The following KIRREL3 variants were observed in gnomAD, a reference collection of about 807,000 sequenced individuals.
KIRREL3 encodes kirre like nephrin family adhesion molecule 3, also known as kin of IRRE-like protein 3.
KIRREL3 carries 36 observed loss-of-function variants against 89.7 expected under a neutral mutation model. That is an observed-to-expected ratio of 0.40 (90% confidence interval 0.31 to 0.53). The LOEUF (loss-of-function observed/expected upper bound fraction) is 0.53, where lower values mean the gene tolerates loss of function less well. Among genes scored for constraint, KIRREL3 ranks in the 20% least tolerant of loss-of-function variants. The pLI is 0.49. For missense variants in KIRREL3, 864 were observed against 1,056.6 expected, an observed-to-expected ratio of 0.82 and a Z score of 2.53; for synonymous variants, 445 against 441.4, an observed-to-expected ratio of 1.01 and a Z score of -0.10.
At chr11:126,962,896 G>A (rs1949138471) in intron 1 of KIRREL3, among the ~76,000 whole-genome samples, 1 of 152,140 alleles carries the variant, frequency 6.6e-6, no homozygotes, top group Admixed American at 6.5e-5. Context: ...CTCGTTAAAG[G>A]CTCAGATGAT....
chr11:126,840,620 C>A (rs1422399831), intron 1 of KIRREL3, among the ~76,000 whole-genome samples: 2 of 152,204 alleles, frequency 1.3e-5, no homozygotes, highest in Non-Finnish European at 2.9e-5. Flanking sequence ...ACAAAAAATT[C>A]CTAAGTTTTA....
rs1455549184 is a variant in KIRREL3 at position 126,531,587 on chromosome 11, C to T, written c.134-4900G>A. 2.0e-5 allele frequency among the ~76,000 whole-genome samples: 3 copies of T among 151,768 alleles called. No individual in the cohort carries two copies. Among genetic ancestry groups the T allele is most frequent in the African/African-American group, 4.8e-5 (2 of 41,274 alleles). On this transcript the variant is annotated intron_variant, in intron 2 of 16. Coordinates refer to ENST00000525144, the MANE Select transcript of KIRREL3 (RefSeq NM_032531.4). The surrounding 1 kb of genome is among the most constrained non-coding windows in gnomAD (Gnocchi z 4.7). The stretch of plus-strand genomic sequence containing the variant: ...AAGGCTCCCCCACCCAAGGCCCCCC[C>T]TAAGCAACCCCACCTATCATTGAAG...
chr11:126,510,429 C>CTTCCTTCCTTCCTTCA (rs1958180996), intron 4 of KIRREL3, among the ~76,000 whole-genome samples: 1 of 129,972 alleles, frequency 7.7e-6, no homozygotes, highest in African/African-American at 2.8e-5. Flanking sequence ...TGTTTCCTTC[C>CTTCCTTCCTTCCTTCA]TTCCTTCCTT....
At position 126,516,281 on chromosome 11, in the gene KIRREL3, A is replaced by C. The variant is rs183216281; in HGVS notation, c.433+5034T>G. Among the ~76,000 whole-genome samples, 1 of 152,304 alleles carries C rather than the reference A, an allele frequency of 6.6e-6. No individual in the cohort carries two copies. The highest frequency in any genetic ancestry group is 2.4e-5 in the African/African-American group (1 of 41,578). On this transcript the variant is annotated intron_variant, in intron 4 of 16. Coordinates refer to ENST00000525144, the MANE Select transcript of KIRREL3 (RefSeq NM_032531.4). The surrounding 1 kb of genome is among the most constrained non-coding windows in gnomAD (Gnocchi z 4.9). ...GCCACAAGACAGCAGAGTTAATATT[A>C]GAACGGGCCAGGAAGAAGAGGGAAA...
At chr11:126,529,473 G>A (rs1274383123) in intron 2 of KIRREL3, among the ~76,000 whole-genome samples, 1 of 152,086 alleles carries the variant, frequency 6.6e-6, no homozygotes, top group Non-Finnish European at 1.5e-5. Context: ...GAGCGGGAGA[G>A]GGCCTTTTGA....
At chr11:126,840,839 C>T (rs1175328475) in intron 1 of KIRREL3, among the ~76,000 whole-genome samples, 1 of 152,150 alleles carries the variant, frequency 6.6e-6, no homozygotes, top group Non-Finnish European at 1.5e-5. Context: ...CTAATAATGG[C>T]TCCAAAGAGC....
chr11:126,592,989 C>A (rs1942221003), intron 1 of KIRREL3, among the ~76,000 whole-genome samples: 2 of 152,168 alleles, frequency 1.3e-5, no homozygotes, highest in African/African-American at 4.8e-5. Context: ...GGAGCAGGCA[C>A]ATGGTCCAGC....
In KIRREL3 at chr11:126,622,504, G is replaced by A. The variant is rs1943613792; in HGVS notation, c.56-59592C>T. ...CAAGATCTGACACACTCTTATCAGG[G>A]CCCCAGCAAATAACTCAGCACCTTC... On this transcript the variant is annotated intron_variant, in intron 1 of 16. Coordinates refer to ENST00000525144, the MANE Select transcript of KIRREL3 (RefSeq NM_032531.4). This position sits in a 1 kb window ranked among gnomAD's most constrained non-coding sequence, Gnocchi z 5.2. 6.6e-6 allele frequency among the ~76,000 whole-genome samples: 1 copy of A among 152,064 alleles called. No homozygotes were observed. Among genetic ancestry groups the A allele is most frequent in the South Asian group, 2.1e-4 (1 of 4,822 alleles).
chr11:126,738,084 C>T (rs757490440), intron 1 of KIRREL3, among the ~76,000 whole-genome samples: 1 of 152,144 alleles, frequency 6.6e-6, no homozygotes, highest in Non-Finnish European at 1.5e-5. Context: ...CTGCTGTTTG[C>T]AGAATGTTGG....
At chr11:126,470,994 A>C (rs1483763236) in intron 5 of KIRREL3, among the ~76,000 whole-genome samples, 2 of 152,176 alleles carry the variant, frequency 1.3e-5, no homozygotes, top group Non-Finnish European at 1.5e-5. Context: ...GCTGTTTAAA[A>C]ATGTACCCAG....
chr11:126,609,203 G>A lies in KIRREL3; in HGVS notation c.56-46291C>T, dbSNP rs1943018677. Among the ~76,000 whole-genome samples the A allele has an allele frequency of 6.6e-6, 1 of 152,134 alleles. No homozygotes were observed. Among genetic ancestry groups the A allele is most frequent in the South Asian group, 2.1e-4 (1 of 4,822 alleles). The stretch of plus-strand genomic sequence containing the variant: ...CCGGACCTCAGGAAAGGGGTGCGGG[G>A]AAGGTTGGGTTCAGAAGGAGAGACT... On this transcript the variant is annotated intron_variant, in intron 1 of 16. Transcript: ENST00000525144. This position sits in a 1 kb window ranked among gnomAD's most constrained non-coding sequence, Gnocchi z 5.0.
At chr11:126,467,501 C>A (rs1263706658) in intron 5 of KIRREL3, among the ~76,000 whole-genome samples, 1 of 152,178 alleles carries the variant, frequency 6.6e-6, no homozygotes. Context: ...GGGGCCCAAG[C>A]ACTGGTGCTA....
At chr11:126,963,021 T>A (rs534460017) in intron 1 of KIRREL3, among the ~76,000 whole-genome samples, 1 of 152,306 alleles carries the variant, frequency 6.6e-6, no homozygotes, top group African/African-American at 2.4e-5. Flanking sequence ...ATAACTTTTA[T>A]ACGCACTGGG....
chr11:126,631,521 C>A (rs1159283054), intron 1 of KIRREL3, among the ~76,000 whole-genome samples: 2 of 152,128 alleles, frequency 1.3e-5, no homozygotes, highest in African/African-American at 4.8e-5. Context: ...CAGGTGGGCC[C>A]CTGTGTGTTG....
In KIRREL3 at chr11:126,709,150, G is replaced by A. The variant is rs185064079; in HGVS notation, c.56-146238C>T. Among the ~76,000 whole-genome samples, 128 of 152,282 alleles carry A rather than the reference G, an allele frequency of 8.4e-4. No individual in the cohort carries two copies. The highest frequency in any genetic ancestry group is 3.0e-3 in the African/African-American group (125 of 41,548). On this transcript the variant is annotated intron_variant, in intron 1 of 16. Coordinates refer to ENST00000525144, the MANE Select transcript of KIRREL3 (RefSeq NM_032531.4). The surrounding 1 kb of genome is among the most constrained non-coding windows in gnomAD (Gnocchi z 4.0). Reference sequence around the variant, plus strand: ...CTATGTGCTTGTTTCATTTAATACCGTCAACGACCATATAAAGTGTGTTTG... The same window carrying A: ...CTATGTGCTTGTTTCATTTAATACCATCAACGACCATATAAAGTGTGTTTG...
At chr11:126,716,483 G>A (rs1445228785) in intron 1 of KIRREL3, among the ~76,000 whole-genome samples, 2 of 152,076 alleles carry the variant, frequency 1.3e-5, no homozygotes, top group Non-Finnish European at 2.9e-5. Flanking sequence ...AGGGGACAAA[G>A]CCTGTTTCAG....
At chr11:126,915,107 G>T (rs749954983) in intron 1 of KIRREL3, among the ~76,000 whole-genome samples, 1 of 152,114 alleles carries the variant, frequency 6.6e-6, no homozygotes, top group African/African-American at 2.4e-5. Context: ...AGTTCACCAG[G>T]CATCTCAAAT....
rs1958818000 is a variant in KIRREL3 at position 126,528,019 on chromosome 11, A to T, written c.134-1332T>A. On this transcript the variant is annotated intron_variant, in intron 2 of 16. Coordinates refer to ENST00000525144, the MANE Select transcript of KIRREL3 (RefSeq NM_032531.4). The surrounding 1 kb of genome is among the most constrained non-coding windows in gnomAD (Gnocchi z 4.6). ...ACTTAATTATACTTCAGGGCAGAAA[A>T]AGCCCCACTTTACAACAAAGAAACC... Among the ~76,000 whole-genome samples the T allele has an allele frequency of 6.6e-6, 1 of 152,166 alleles. No individual in the cohort carries two copies. Among genetic ancestry groups the T allele is most frequent in the Non-Finnish European group, 1.5e-5 (1 of 68,022 alleles).
Position 126,761,838 on chromosome 11 carries a change from G to A in KIRREL3, c.56-198926C>T, listed in dbSNP as rs989571993. Among the ~76,000 whole-genome samples, 12 of 152,076 alleles carry A rather than the reference G, an allele frequency of 7.9e-5. No individual in the cohort carries two copies. Among genetic ancestry groups the A allele is most frequent in the Non-Finnish European group, 1.0e-4 (7 of 68,016 alleles). ...AAGTCTCCCTAGGAAGCTGCTCCCCGCTTTCAATCTCATTTTCTGATATCT... is the reference window on the plus strand; with the variant it reads ...AAGTCTCCCTAGGAAGCTGCTCCCCACTTTCAATCTCATTTTCTGATATCT... On this transcript the variant is annotated intron_variant, in intron 1 of 16. Transcript: ENST00000525144. This position sits in a 1 kb window ranked among gnomAD's most constrained non-coding sequence, Gnocchi z 4.4.
Sources: gnomAD v4.1 joint callset for allele counts (sites outside exome capture counted in the v4.1 genomes callset) on GRCh38, gnomAD v4.1.1 for gene constraint, Gnocchi (gnomAD v3.1) non-coding constraint, MANE v1.5 for transcripts, NCBI Gene and HGNC (gene_info 2026-07-23, HGNC 2026-07-21) for gene names.